Variants in FGF14 observed in about 807,000 individuals in gnomAD.
FGF14 encodes fibroblast growth factor 14.
Under a neutral mutation model 25.5 loss-of-function variants are expected in FGF14, and 5 were observed. The observed-to-expected ratio is 0.20, with a 90% CI of 0.10 to 0.41. The LOEUF (loss-of-function observed/expected upper bound fraction) is 0.41. FGF14 is among the 10% of genes least tolerant of loss of function. FGF14 has a pLI of 1.00. For missense variants in FGF14, 222 were observed against 320.1 expected, an observed-to-expected ratio of 0.69 and a Z score of 2.34; for synonymous variants, 138 against 118.3, an observed-to-expected ratio of 1.17 and a Z score of -1.08.
At chr13:102,292,292 A>C (rs1028143483) in intron 1 of FGF14, 2 of 150,992 alleles carry the variant, frequency 1.3e-5, no homozygotes, top group African/African-American at 4.9e-5. Flanking sequence ...AAAAAAAAAA[A>C]AAAAAAAAAA....
At chr13:101,747,669 G>T (rs2036975919) in intron 3 of FGF14, among the ~76,000 whole-genome samples, 1 of 151,714 alleles carries the variant, frequency 6.6e-6, no homozygotes, top group Non-Finnish European at 1.5e-5. Flanking sequence ...CACCCATTAG[G>T]ATGGCTACAG....
intron 3 of FGF14, among the ~76,000 whole-genome samples, chr13:101,754,470 T>C (rs2037511378): frequency 6.6e-6 from 1 of 152,170 alleles, no homozygotes; most frequent in Admixed American, 6.5e-5. Context: ...GGCTCACACC[T>C]GTAATCCCAG....
chr13:102,052,258 C>A (rs929395568), intron 1 of FGF14, among the ~76,000 whole-genome samples: 4 of 151,820 alleles, frequency 2.6e-5, no homozygotes, highest in African/African-American at 9.7e-5. Context: ...ATTCATAGGT[C>A]AACATCAACA....
intron 1 of FGF14, among the ~76,000 whole-genome samples, chr13:102,154,932 G>A (rs1253000553): frequency 3.3e-5 from 5 of 152,026 alleles, no homozygotes; most frequent in African/African-American, 9.7e-5. Context: ...TTACATAATG[G>A]TAAAAGGATC....
intron 1 of FGF14, among the ~76,000 whole-genome samples, chr13:102,278,643 T>TAC (rs1555392631): frequency 1.6e-3 from 228 of 147,028 alleles, no homozygotes; most frequent in African/African-American, 5.6e-3. Context: ...TATATATATA[T>TAC]ATACATACAC....
chr13:102,255,162 T>C (rs1223611248), intron 1 of FGF14, among the ~76,000 whole-genome samples: 2 of 152,210 alleles, frequency 1.3e-5, no homozygotes, highest in African/African-American at 2.4e-5. Flanking sequence ...GTTCCAGAGA[T>C]AGTAAATTAT....
At chr13:102,263,231 C>A in intron 1 of FGF14, 3 of 448,052 alleles carry the variant, frequency 6.7e-6, no homozygotes, top group South Asian at 6.6e-5. Context: ...CAAGCACACA[C>A]CACGATGGCA....
intron 1 of FGF14, among the ~76,000 whole-genome samples, chr13:101,897,108 T>C (rs1159771406): frequency 1.3e-5 from 2 of 152,194 alleles, no homozygotes; most frequent in East Asian, 1.9e-4. Flanking sequence ...TATATTATTA[T>C]GTGTACAGGA....
chr13:101,942,267 C>A (rs1379229447), intron 1 of FGF14, among the ~76,000 whole-genome samples: 4 of 152,218 alleles, frequency 2.6e-5, no homozygotes, highest in African/African-American at 9.6e-5. Flanking sequence ...CATCGAGTAA[C>A]TAGAGAAAAG....
At chr13:101,994,171 A>G (rs866203494) in intron 1 of FGF14, among the ~76,000 whole-genome samples, 11 of 152,088 alleles carry the variant, frequency 7.2e-5, no homozygotes, top group African/African-American at 2.4e-4. Flanking sequence ...ATGTGCAAAT[A>G]AAGATAAAGA....
chr13:101,733,051 T>G, intron 3 of FGF14, among the ~76,000 whole-genome samples: 1 of 152,194 alleles, frequency 6.6e-6, no homozygotes, highest in East Asian at 1.9e-4. Flanking sequence ...CAGAGTACTC[T>G]TAAGATTACT....
intron 3 of FGF14, among the ~76,000 whole-genome samples, chr13:101,845,240 C>T (rs765203126): frequency 1.2e-4 from 19 of 152,012 alleles, no homozygotes; most frequent in Admixed American, 2.0e-4. Context: ...TCACAGTCTA[C>T]GTTTGCATGT....
intron 1 of FGF14, among the ~76,000 whole-genome samples, chr13:102,079,443 ATTAT>A (rs892425130): frequency 7.2e-5 from 11 of 152,222 alleles, no homozygotes; most frequent in African/African-American, 2.2e-4. Flanking sequence ...ATTTACTTTT[ATTAT>A]TTATTTATTT....
intron 1 of FGF14, among the ~76,000 whole-genome samples, chr13:101,993,585 C>T (rs1013721555): frequency 5.9e-5 from 9 of 151,936 alleles, no homozygotes; most frequent in Admixed American, 3.9e-4. Context: ...TGGAAATACT[C>T]GAAGGGGCTT....
At chr13:101,850,417 A>G (rs370116186) in intron 3 of FGF14, among the ~76,000 whole-genome samples, 6 of 135,176 alleles carry the variant, frequency 4.4e-5, no homozygotes, top group African/African-American at 1.6e-4. Context: ...TCGTGCCACT[A>G]CACTCCAGCC....
chr13:102,172,699 C>G (rs1287829227), intron 1 of FGF14, among the ~76,000 whole-genome samples: 1 of 152,094 alleles, frequency 6.6e-6, no homozygotes, highest in East Asian at 1.9e-4. Context: ...GTTTTGAGCC[C>G]ACAATGAAGA....
chr13:102,089,437 G>A (rs947502136), intron 1 of FGF14, among the ~76,000 whole-genome samples: 2 of 152,176 alleles, frequency 1.3e-5, no homozygotes, highest in Non-Finnish European at 2.9e-5. Context: ...GCCCTGCAGT[G>A]TGACTATAAG....
chr13:101,761,307 A>G (rs1352384372), intron 3 of FGF14, among the ~76,000 whole-genome samples: 2 of 152,214 alleles, frequency 1.3e-5, no homozygotes, highest in Non-Finnish European at 2.9e-5. Context: ...GAAAAATGAG[A>G]CATAATGACA....
chr13:101,761,717 C>T (rs1594157397), intron 3 of FGF14, among the ~76,000 whole-genome samples: 1 of 152,154 alleles, frequency 6.6e-6, no homozygotes, highest in Non-Finnish European at 1.5e-5. Context: ...TATATAAAAA[C>T]ATCACTATGT....
Sources: gnomAD v4.1 joint callset for allele counts (sites outside exome capture counted in the v4.1 genomes callset) on GRCh38, gnomAD v4.1.1 for gene constraint, MANE v1.5 for transcripts, NCBI Gene and HGNC (gene_info 2026-07-23, HGNC 2026-07-21) for gene names.